Variants in PXDNL observed in about 807,000 individuals in gnomAD.
PXDNL encodes probable oxidoreductase PXDNL.
PXDNL carries 145 observed loss-of-function variants against 150.8 expected under a neutral mutation model. The ratio of observed to expected loss-of-function variants is 0.96; its 90% CI spans 0.84 to 1.10. PXDNL has a LOEUF of 1.10. Among genes scored for constraint, PXDNL ranks in the 50% least tolerant of loss-of-function variants. The pLI is 0.00. For synonymous variants in PXDNL, 757 were observed against 725.7 expected, an observed-to-expected ratio of 1.04 and a Z score of -0.69; for missense variants, 2,087 against 1,873.9, an observed-to-expected ratio of 1.11 and a Z score of -2.10.
chr8:51,683,934 G>T (rs887893601), intron 1 of PXDNL, among the ~76,000 whole-genome samples: 2 of 152,082 alleles, frequency 1.3e-5, no homozygotes, highest in African/African-American at 4.8e-5. Flanking sequence ...TGGATTTTCT[G>T]CCCCTTTCCC....
At chr8:51,328,855 T>C (rs1805595005) in intron 21 of PXDNL, among the ~76,000 whole-genome samples, 1 of 152,084 alleles carries the variant, frequency 6.6e-6, no homozygotes, top group Non-Finnish European at 1.5e-5. Flanking sequence ...ATATCCTTCA[T>C]GAAAAACACC....
At chr8:51,684,394 A>G (rs1815826174) in intron 1 of PXDNL, among the ~76,000 whole-genome samples, 1 of 152,200 alleles carries the variant, frequency 6.6e-6, no homozygotes, top group Non-Finnish European at 1.5e-5. Flanking sequence ...CAAGATTCCC[A>G]TATCCTCAAC....
At chr8:51,694,701 C>T (rs572350918) in intron 1 of PXDNL, among the ~76,000 whole-genome samples, 1 of 152,180 alleles carries the variant, frequency 6.6e-6, no homozygotes, top group Non-Finnish European at 1.5e-5. Context: ...AAGCATTAAC[C>T]TCTCTATTCT....
chr8:51,793,433 C>T (rs991580101), intron 1 of PXDNL, among the ~76,000 whole-genome samples: 2 of 152,136 alleles, frequency 1.3e-5, no homozygotes, highest in African/African-American at 4.8e-5. Context: ...ACCACTTCTC[C>T]TCCAAATGAT....
intron 9 of PXDNL, among the ~76,000 whole-genome samples, chr8:51,456,503 T>G (rs1261616166): frequency 6.6e-6 from 1 of 152,226 alleles, no homozygotes; most frequent in Non-Finnish European, 1.5e-5. Context: ...GAGAGCCAGT[T>G]GTCAAATTTT....
At chr8:51,402,369 T>C (rs1320651358) in intron 17 of PXDNL, among the ~76,000 whole-genome samples, 4 of 151,938 alleles carry the variant, frequency 2.6e-5, no homozygotes, top group Non-Finnish European at 4.4e-5. Flanking sequence ...CTACCAAATA[T>C]ACAACCAGGC....
intron 17 of PXDNL, among the ~76,000 whole-genome samples, chr8:51,380,263 G>A (rs1047434549): frequency 6.6e-6 from 1 of 152,170 alleles, no homozygotes; most frequent in African/African-American, 2.4e-5. Context: ...TTATAGGAAG[G>A]GTTGCTAACT....
intron 17 of PXDNL, among the ~76,000 whole-genome samples, chr8:51,399,459 A>C (rs1479805426): frequency 1.3e-5 from 2 of 152,216 alleles, no homozygotes; most frequent in Non-Finnish European, 2.9e-5. Context: ...AAACATTCCA[A>C]GCAAAATAAG....
chr8:51,710,425 A>G (rs1816472255), intron 1 of PXDNL, among the ~76,000 whole-genome samples: 1 of 152,214 alleles, frequency 6.6e-6, no homozygotes, highest in African/African-American at 2.4e-5. Flanking sequence ...ATTACTTCAC[A>G]TATGTATCAA....
At chr8:51,681,778 G>C (rs190504174) in intron 1 of PXDNL, among the ~76,000 whole-genome samples, 7 of 152,130 alleles carry the variant, frequency 4.6e-5, no homozygotes, top group Admixed American at 2.6e-4. Flanking sequence ...ACATATGTGC[G>C]ATGCCATATT....
At chr8:51,387,236 G>A (rs1807745258) in intron 17 of PXDNL, among the ~76,000 whole-genome samples, 1 of 152,230 alleles carries the variant, frequency 6.6e-6, no homozygotes, top group Non-Finnish European at 1.5e-5. Context: ...TTATAAAAAT[G>A]AGCAGTCTTC....
chr8:51,600,008 A>G (rs1488670682), intron 2 of PXDNL, among the ~76,000 whole-genome samples: 2 of 78,092 alleles, frequency 2.6e-5, no homozygotes, highest in Non-Finnish European at 4.7e-5. Flanking sequence ...TATATAAATG[A>G]CATCGTTTAG....
intron 1 of PXDNL, among the ~76,000 whole-genome samples, chr8:51,781,008 C>A (rs1230137468): frequency 6.6e-6 from 1 of 152,064 alleles, no homozygotes; most frequent in Admixed American, 6.6e-5. Context: ...AGGGTTCCAC[C>A]TTTATGACCT....
chr8:51,464,831 C>T (rs1810167017), intron 8 of PXDNL, among the ~76,000 whole-genome samples: 1 of 152,062 alleles, frequency 6.6e-6, no homozygotes, highest in African/African-American at 2.4e-5. Context: ...CAAACCTGCA[C>T]GTTCTGCACA....
At chr8:51,647,253 G>A (rs1383884559) in intron 2 of PXDNL, among the ~76,000 whole-genome samples, 1 of 152,092 alleles carries the variant, frequency 6.6e-6, no homozygotes, top group East Asian at 1.9e-4. Context: ...GCAACATAGA[G>A]TTTTTATAAG....
chr8:51,688,228 G>A (rs1815917358), intron 1 of PXDNL, among the ~76,000 whole-genome samples: 1 of 152,008 alleles, frequency 6.6e-6, no homozygotes, highest in Non-Finnish European at 1.5e-5. Flanking sequence ...GGGAGCCAGT[G>A]GCATGGGTGC....
intron 1 of PXDNL, among the ~76,000 whole-genome samples, chr8:51,774,192 C>G (rs1165937104): frequency 1.8e-4 from 28 of 152,288 alleles, no homozygotes; most frequent in Non-Finnish European, 7.4e-5. Flanking sequence ...CTTTAAGTGA[C>G]TGTTTAAACT....
intron 1 of PXDNL, among the ~76,000 whole-genome samples, chr8:51,711,280 G>A (rs574433570): frequency 1.3e-5 from 2 of 152,228 alleles, no homozygotes; most frequent in Admixed American, 6.5e-5. Flanking sequence ...TGGGATTACA[G>A]GCACACACCA....
intron 19 of PXDNL, among the ~76,000 whole-genome samples, chr8:51,351,765 T>G (rs1369783722): frequency 6.6e-6 from 1 of 152,150 alleles, no homozygotes; most frequent in East Asian, 1.9e-4. Context: ...TTGGCAGAAC[T>G]CACTTCCTCG....
Sources: allele counts gnomAD v4.1 joint callset (sites outside exome capture counted in the v4.1 genomes callset), GRCh38; gene constraint gnomAD v4.1.1; transcripts MANE v1.5; gene names NCBI Gene and HGNC (gene_info 2026-07-23, HGNC 2026-07-21).